UBR1: variants seen among roughly 807,000 people sequenced by gnomAD.
The protein encoded by UBR1 is ubiquitin protein ligase E3 component n-recognin 1, also known as E3 ubiquitin-protein ligase UBR1.
A neutral mutation model predicts 242.1 loss-of-function variants in UBR1; 102 were observed. That is an observed-to-expected ratio of 0.42 (90% CI 0.36 to 0.50). UBR1 has a LOEUF of 0.50. Among genes scored for constraint, UBR1 ranks in the 20% least tolerant of loss-of-function variants. The probability of loss-of-function intolerance (pLI) is 0.01; values close to 1 mark genes in which losing one functional copy is unlikely to be tolerated. For synonymous variants in UBR1, 675 were observed against 684.8 expected (o/e 0.99, Z 0.22); for missense variants, 1,772 against 2,101.8 (o/e 0.84, Z 3.07).
rs902254057 is a variant in UBR1 at position 43,048,388 on chromosome 15, A to C, written c.1539+4T>G. 6.3e-7 allele frequency: 1 copy of C among 1,593,800 alleles called. No individual in the cohort carries two copies. ...TTTACTGATGTACAGAAAAATGATC[A>C]TACCTGCATACAGGTAAGAATCTTC... On this transcript the variant is annotated splice_donor_region_variant and intron_variant, in intron 13 of 46. Transcript: ENST00000290650.
At chr15:43,051,766 G>A (rs2033560015) in intron 12 of UBR1, among the ~76,000 whole-genome samples, 1 of 152,030 alleles carries the variant, frequency 6.6e-6, no homozygotes, top group Non-Finnish European at 1.5e-5. Context: ...AAAAGGGTAA[G>A]GAAGGGAAGG....
At position 43,077,138 on chromosome 15, in the gene UBR1, C is replaced by T. The variant is rs1383206309; in HGVS notation, c.418-2049G>A. Among the ~76,000 whole-genome samples, 4 of 140,758 alleles carry T rather than the reference C, an allele frequency of 2.8e-5. No individual in the cohort carries two copies. In the East Asian group the frequency reaches 7.1e-4, roughly 25 times the overall value. 92.3% of individuals were successfully genotyped at this position (140,758 alleles called of 152,430 possible). The stretch of plus-strand genomic sequence containing the variant: ...GAGCCCCTCTGCCCGGCCACGACCC[C>T]GTCTGGGAGGTGTGCCCAGCGGCTC... On this transcript the variant is annotated intron_variant, in intron 3 of 46. Transcript: ENST00000290650.
chr15:42,950,562 A>G (rs1393956766), intron 45 of UBR1, 199 bp from the exon 46 acceptor site: 1 of 585,052 alleles, frequency 1.7e-6, no homozygotes, highest in African/African-American at 1.9e-5. Flanking sequence ...TGTTGAAGCT[A>G]TAGAAAAGGA....
chr15:43,056,554 AT>A (rs1349645931), intron 10 of UBR1, 112 bp from the exon 11 acceptor site: 2 of 685,738 alleles, frequency 2.9e-6, no homozygotes, highest in African/African-American at 3.6e-5. Flanking sequence ...GTCAAGTAAT[AT>A]AATTCCTATT....
At chr15:42,992,900 T>A (rs1264528918) in intron 33 of UBR1, among the ~76,000 whole-genome samples, 1 of 152,236 alleles carries the variant, frequency 6.6e-6, no homozygotes, top group East Asian at 1.9e-4. Context: ...ATTAACCTTG[T>A]ACTCTTTGGA....
intron 39 of UBR1, among the ~76,000 whole-genome samples, chr15:42,971,711 TAA>T (rs560767042): frequency 2.0e-4 from 30 of 152,308 alleles, no homozygotes; most frequent in African/African-American, 7.0e-4. Context: ...AATTCAAATG[TAA>T]GAGAGTTCAA....
chr15:43,079,638 C>T (rs937303245), intron 3 of UBR1, among the ~76,000 whole-genome samples: 2 of 151,986 alleles, frequency 1.3e-5, no homozygotes, highest in African/African-American at 2.4e-5. Flanking sequence ...AAAAATTAGC[C>T]GGGTATGGTG....
chr15:43,011,322 C>T (rs2032920523), intron 29 of UBR1, among the ~76,000 whole-genome samples: 2 of 152,160 alleles, frequency 1.3e-5, no homozygotes, highest in African/African-American at 2.4e-5. Context: ...ACACTGCACA[C>T]TTCTCTATGG....
intron 23 of UBR1, 161 bp from the exon 24 acceptor site, chr15:43,025,590 G>A (rs1300641329): frequency 3.2e-6 from 2 of 619,426 alleles, no homozygotes; most frequent in Non-Finnish European, 5.7e-6. Flanking sequence ...TTGTGTTCTA[G>A]AGAAACCTAA....
At chr15:43,040,060 G>A (rs1458430847) in intron 15 of UBR1, among the ~76,000 whole-genome samples, 1 of 152,066 alleles carries the variant, frequency 6.6e-6, no homozygotes, top group Non-Finnish European at 1.5e-5. Context: ...TCCCCATCAA[G>A]CTACCAATGA....
chr15:43,038,098 CCTT>C (rs2033361032), intron 16 of UBR1, 70 bp downstream of exon 16: 2 of 1,528,220 alleles, frequency 1.3e-6, no homozygotes, highest in Non-Finnish European at 1.8e-6. Context: ...AATATTATCT[CCTT>C]CTCGTCCATC....
At chr15:43,026,481 G>C in intron 23 of UBR1, 80 bp downstream of exon 23, 1 of 1,265,528 alleles carries the variant, frequency 7.9e-7, no homozygotes, top group South Asian at 1.2e-5. Context: ...TGAAACTATA[G>C]AAAAAGCAGA....
intron 21 of UBR1, among the ~76,000 whole-genome samples, chr15:43,028,760 C>A (rs1472888603): frequency 6.2e-5 from 9 of 144,800 alleles, no homozygotes; most frequent in South Asian, 2.2e-4. Context: ...AAAAAAAAAA[C>A]AAACAAACAA....
intron 1 of UBR1, among the ~76,000 whole-genome samples, chr15:43,100,041 A>G (rs2141372206): frequency 6.6e-6 from 1 of 152,170 alleles, no homozygotes; most frequent in African/African-American, 2.4e-5. Flanking sequence ...ATGCCCGGCT[A>G]ATTTTTTGTA....
intron 3 of UBR1, among the ~76,000 whole-genome samples, chr15:43,078,877 A>G (rs2033939368): frequency 6.6e-6 from 1 of 152,178 alleles, no homozygotes; most frequent in Non-Finnish European, 1.5e-5. Flanking sequence ...AAAAACAGAA[A>G]TGGACAAAAA....
chr15:43,002,782 C>T, intron 31 of UBR1, 78 bp from the exon 32 acceptor site: 1 of 1,593,700 alleles, frequency 6.3e-7, no homozygotes, highest in Non-Finnish European at 8.6e-7. Flanking sequence ...TGCTCTAATC[C>T]AAGTTTTAAA....
intron 6 of UBR1, among the ~76,000 whole-genome samples, chr15:43,065,753 G>A (rs1302057143): frequency 6.6e-6 from 1 of 151,984 alleles, no homozygotes; most frequent in East Asian, 1.9e-4. Context: ...ATGTTTGCTG[G>A]CTGCATGTAT....
At chr15:42,986,130 G>A (rs2032455845) in intron 35 of UBR1, among the ~76,000 whole-genome samples, 3 of 152,012 alleles carry the variant, frequency 2.0e-5, no homozygotes, top group South Asian at 2.1e-4. Flanking sequence ...ATACGAGTGT[G>A]GAAGCATTTT....
At chr15:42,988,728 C>T in intron 35 of UBR1, 91 bp downstream of exon 35, 2 of 1,528,624 alleles carry the variant, frequency 1.3e-6, no homozygotes, top group Non-Finnish European at 1.8e-6. Flanking sequence ...TCAAATTATT[C>T]TGGGCCATCA....
Sources: gnomAD v4.1 joint callset for allele counts (sites outside exome capture counted in the v4.1 genomes callset) on GRCh38, gnomAD v4.1.1 for gene constraint, MANE v1.5 for transcripts, NCBI Gene and HGNC (gene_info 2026-07-23, HGNC 2026-07-21) for gene names.